SLCO1A2: variants seen among roughly 807,000 people sequenced by gnomAD.
SLCO1A2 encodes solute carrier organic anion transporter family member 1A2.
Under a neutral mutation model 69.0 loss-of-function variants are expected in SLCO1A2, and 67 were observed. The observed-to-expected ratio is 0.97, with a 90% CI of 0.80 to 1.19. The LOEUF is 1.19. SLCO1A2 is among the 50% of genes most tolerant of loss of function. The probability of loss-of-function intolerance (pLI) is 0.00; values close to 1 mark genes in which losing one functional copy is unlikely to be tolerated. For missense variants in SLCO1A2, 787 were observed against 793.7 expected, an observed-to-expected ratio of 0.99 and a Z score of 0.10; for synonymous variants, 260 against 265.9, an observed-to-expected ratio of 0.98 and a Z score of 0.22.
At chr12:21,393,818 A>G (rs983879824) in intron 1 of SLCO1A2, among the ~76,000 whole-genome samples, 13 of 152,270 alleles carry the variant, frequency 8.5e-5, no homozygotes, top group African/African-American at 1.2e-4. Flanking sequence ...AACTTGAAAG[A>G]AAACCAACTT....
At chr12:21,294,249 C>G (rs1233443328) in intron 10 of SLCO1A2, 139 bp from the exon 11 acceptor site, 2 of 631,312 alleles carry the variant, frequency 3.2e-6, no homozygotes, top group Non-Finnish European at 5.2e-6. Context: ...AATGTGTGAC[C>G]TGTTTACTAT....
chr12:21,338,830 A>G (rs1160478029), upstream of SLCO1A2, among the ~76,000 whole-genome samples: 1 of 151,908 alleles, frequency 6.6e-6, no homozygotes. Context: ...AGGCTCAAAA[A>G]AAAACCTGAA....
Position 21,362,159 on chromosome 12 carries a change from C to T in SLCO1A2, c.-63+12240G>A, listed in dbSNP as rs1423490398. Among the ~76,000 whole-genome samples, 5 of 152,128 alleles carry T rather than the reference C, an allele frequency of 3.3e-5. 1 individual carries two copies. The stretch of plus-strand genomic sequence containing the variant: ...GCAGCCAGAGAGAAAGGTCAGGTTA[C>T]CCACAAAGGGAAGCCCATTAGACTA... On this transcript the variant is annotated intron_variant, in intron 2 of 15. Transcript: ENST00000307378.
intron 2 of SLCO1A2, among the ~76,000 whole-genome samples, chr12:21,320,150 A>C (rs1951418455): frequency 6.6e-6 from 1 of 152,148 alleles, no homozygotes; most frequent in Non-Finnish European, 1.5e-5. Flanking sequence ...AATTCTTAAA[A>C]TTCTCACACC....
upstream of SLCO1A2, among the ~76,000 whole-genome samples, chr12:21,397,037 G>C (rs1565531041): frequency 1.3e-5 from 2 of 151,688 alleles, no homozygotes; most frequent in Non-Finnish European, 2.9e-5. Flanking sequence ...AACTTTAAAT[G>C]TAAATGGACT....
upstream of SLCO1A2, among the ~76,000 whole-genome samples, chr12:21,398,456 A>G (rs1188377465): frequency 1.8e-4 from 25 of 142,448 alleles, no homozygotes; most frequent in African/African-American, 5.6e-4. Context: ...ACAAGGAGGA[A>G]CTGGTACCAT....
intron 3 of SLCO1A2, among the ~76,000 whole-genome samples, chr12:21,318,243 C>T (rs1951130840): frequency 2.0e-5 from 3 of 152,036 alleles, no homozygotes; most frequent in Admixed American, 2.0e-4. Context: ...TTCAGCCTCC[C>T]AAGTAGCTGG....
intron 2 of SLCO1A2, among the ~76,000 whole-genome samples, chr12:21,361,410 TAG>T (rs2137048743): frequency 6.6e-6 from 1 of 152,262 alleles, no homozygotes; most frequent in South Asian, 2.1e-4. Flanking sequence ...AGACGAAATG[TAG>T]ATAAAACCAC....
rs1451560152 is a variant in SLCO1A2, at chr12:21,300,167, AAT to A, written c.910+179_910+180del. ...TGAAATATTTCAGCTTCCAAATTAT[AAT>A]ATTTATTTTCAAGTAGTACCATAGG... On this transcript the variant is annotated intron_variant, in intron 8 of 14. Transcript: ENST00000683939. Among the ~76,000 whole-genome samples, 25 of 151,738 alleles carry A rather than the reference AAT, an allele frequency of 1.6e-4. 1 individual carries two copies. The highest frequency in any genetic ancestry group is 2.9e-5 in the Non-Finnish European group (2 of 67,942).
intron 4 of SLCO1A2, chr12:21,311,884 C>CTAG (rs1478148417): frequency 6.6e-6 from 1 of 151,846 alleles, no homozygotes; most frequent in African/African-American, 2.4e-5. Context: ...TGAGATCACG[C>CTAG]CACTGCACTC....
At chr12:21,305,632 G>A (rs1949270326) in intron 5 of SLCO1A2, among the ~76,000 whole-genome samples, 1 of 152,172 alleles carries the variant, frequency 6.6e-6, no homozygotes, top group African/African-American at 2.4e-5. Flanking sequence ...GAATGGGAAG[G>A]TTTTGCTATA....
At chr12:21,407,125 A>G (rs1475090318) in intron 1 of SLCO1A2, among the ~76,000 whole-genome samples, 3 of 151,854 alleles carry the variant, frequency 2.0e-5, no homozygotes, top group Non-Finnish European at 4.4e-5. Context: ...GAAGAAAATC[A>G]AACAGAATGA....
Position 21,264,874 on chromosome 12 carries a change from C to T in SLCO1A2, c.*4674G>A, listed in dbSNP as rs992642641. 6.6e-6 allele frequency: 1 copy of T among 152,224 alleles called. No homozygotes were observed. The highest frequency in any genetic ancestry group is 6.6e-5 in the Admixed American group (1 of 15,252). 9.4% of individuals were successfully genotyped at this position (152,224 alleles called of 1,614,324 possible). On this transcript the variant is annotated 3_prime_UTR_variant, in exon 15 of 15. Coordinates refer to ENST00000683939, the MANE Select transcript of SLCO1A2 (RefSeq NM_001386879.1). ...CAGTAAGACTGTGAAGTTGTGGCGTCTAGAGGGGAAGGGGCAGAAGTGTGC... is the reference window on the plus strand; with the variant it reads ...CAGTAAGACTGTGAAGTTGTGGCGTTTAGAGGGGAAGGGGCAGAAGTGTGC...
At position 21,300,477 on chromosome 12, in the gene SLCO1A2, T is replaced by C. The variant is rs1361703911; in HGVS notation, c.781A>G (p.Ile261Val). 3 of 1,613,612 alleles carry C rather than the reference T, an allele frequency of 1.9e-6. No individual in the cohort carries two copies. The highest frequency in any genetic ancestry group is 2.5e-6 in the Non-Finnish European group (3 of 1,179,782). ...GTGTTGGGCAAAAAGAAAAAAGGAATGGCAGTGAGCACGTTAACTCCTGCA... is the reference window on the plus strand; with the variant it reads ...GTGTTGGGCAAAAAGAAAAAAGGAACGGCAGTGAGCACGTTAACTCCTGCA... ...ICAGVNVLTA[I>V]PFFFLPNTLP... Residue 261 changes from isoleucine to valine, a missense_variant, in exon 8 of 15, where the codon ATT (isoleucine) becomes GTT (valine). Ile to Val is a conservative substitution (Grantham distance 29). Transcript: ENST00000683939.
At chr12:21,277,858 T>G in intron 12 of SLCO1A2, among the ~76,000 whole-genome samples, 1 of 152,110 alleles carries the variant, frequency 6.6e-6, no homozygotes, top group East Asian at 1.9e-4. Flanking sequence ...TGAGGCCAGA[T>G]TCCTACCAGG....
intron 2 of SLCO1A2, among the ~76,000 whole-genome samples, chr12:21,344,153 A>C (rs964472678): frequency 1.3e-5 from 2 of 152,140 alleles, no homozygotes; most frequent in African/African-American, 4.8e-5. Context: ...TTACAGGTAC[A>C]TTAAGCAACT....
intron 8 of SLCO1A2, 55 bp downstream of exon 8, chr12:21,300,293 A>AT (rs1948542477): frequency 7.9e-7 from 1 of 1,265,706 alleles, no homozygotes. Context: ...AAATACAGAC[A>AT]TATCTATATG....
At chr12:21,273,744 A>C (rs568615070) in intron 14 of SLCO1A2, among the ~76,000 whole-genome samples, 84 of 152,300 alleles carry the variant, frequency 5.5e-4, no homozygotes, top group African/African-American at 1.9e-3. Flanking sequence ...ATAGATGCAG[A>C]GATGAATCTC....
intron 4 of SLCO1A2, among the ~76,000 whole-genome samples, chr12:21,310,861 T>C (rs1041184518): frequency 2.0e-5 from 3 of 152,142 alleles, no homozygotes; most frequent in Non-Finnish European, 4.4e-5. Flanking sequence ...CCTTGGCCTT[T>C]CAAAGTGCTA....
Sources: gnomAD v4.1 joint callset for allele counts (sites outside exome capture counted in the v4.1 genomes callset) on GRCh38, gnomAD v4.1.1 for gene constraint, MANE v1.5 for transcripts, NCBI Gene and HGNC (gene_info 2026-07-23, HGNC 2026-07-21) for gene names.